KIF1A: variants seen among roughly 807,000 people sequenced by gnomAD.
The protein encoded by KIF1A is kinesin family member 1A.
In KIF1A, 46 loss-of-function variants were observed where a neutral mutation model predicts 227.3. That is an observed-to-expected ratio of 0.20 (90% CI 0.16 to 0.26). The LOEUF (loss-of-function observed/expected upper bound fraction) is 0.26. Ranked by LOEUF, KIF1A falls within the 10% of genes least tolerant of loss-of-function variation. The probability of loss-of-function intolerance (pLI) is 1.00; values close to 1 mark genes in which losing one functional copy is unlikely to be tolerated. For synonymous variants in KIF1A, 1,022 were observed against 1,012.8 expected, an observed-to-expected ratio of 1.01 and a Z score of -0.17; for missense variants, 1,683 against 2,485.9, an observed-to-expected ratio of 0.68 and a Z score of 6.87.
chr2:240,742,111 G>A (rs1275774968), intron 34 of KIF1A, among the ~76,000 whole-genome samples: 2 of 152,218 alleles, frequency 1.3e-5, no homozygotes, highest in African/African-American at 4.8e-5. Flanking sequence ...AGCAGCTGGA[G>A]GGTGTCCTCC....
intron 10 of KIF1A, among the ~76,000 whole-genome samples, chr2:240,777,336 G>A (rs748589041): frequency 8.5e-5 from 13 of 152,166 alleles, no homozygotes; most frequent in Non-Finnish European, 1.5e-4. Flanking sequence ...GAGCCACCGC[G>A]CCCGGCCTCT....
rs1332437686 is a variant in KIF1A at position 240,758,035 on chromosome 2, C to T, written c.2582+325G>A. ...GCCTCCATGTTCCCACCCTCAGGAC[C>T]AACAGGTGACCTGGAAAGTTTGCTT... On this transcript the variant is annotated intron_variant, in intron 26 of 48. Coordinates refer to ENST00000498729, the MANE Select transcript of KIF1A (RefSeq NM_001244008.2). The surrounding 1 kb of genome is among the most constrained non-coding windows in gnomAD (Gnocchi z 5.2). 6.6e-6 allele frequency among the ~76,000 whole-genome samples: 1 copy of T among 152,208 alleles called. No individual in the cohort carries two copies. Among genetic ancestry groups the T allele is most frequent in the African/African-American group, 2.4e-5 (1 of 41,452 alleles).
rs1348554368 is a variant in KIF1A at position 240,757,600 on chromosome 2, G to A, written c.2583-6C>T. On this transcript the variant is annotated splice_region_variant and splice_polypyrimidine_tract_variant and intron_variant, in intron 26 of 48. Coordinates refer to ENST00000498729, the MANE Select transcript of KIF1A (RefSeq NM_001244008.2). This position sits in a 1 kb window ranked among gnomAD's most constrained non-coding sequence, Gnocchi z 6.2. ...TGCAGCCAGAGATGGCTGAACTGAG[G>A]TTAGTGCGACAAGACAGAGAGAAGT... is the stretch of plus-strand genomic sequence containing the variant. The A allele has an allele frequency of 6.8e-7, 1 of 1,474,716 alleles. No homozygotes were observed. The highest frequency in any genetic ancestry group is 1.4e-5 in the African/African-American group (1 of 70,628). The allele number at this position is 1,474,716 out of a possible 1,614,324, so 91.4% of individuals were successfully genotyped here.
In KIF1A at chr2:240,758,504, G is replaced by T; in HGVS notation, c.2445-7C>A. ...CATCAGGTCCAGACGCTGCCTGCAGGGACGGCAGGGGTCAATGTGGACCCA... is the reference window on the plus strand; with the variant it reads ...CATCAGGTCCAGACGCTGCCTGCAGTGACGGCAGGGGTCAATGTGGACCCA... On this transcript the variant is annotated splice_region_variant and splice_polypyrimidine_tract_variant and intron_variant, in intron 25 of 48. Coordinates refer to ENST00000498729, the MANE Select transcript of KIF1A (RefSeq NM_001244008.2). This position sits in a 1 kb window ranked among gnomAD's most constrained non-coding sequence, Gnocchi z 5.2. 6.4e-7 allele frequency: 1 copy of T among 1,564,532 alleles called. No homozygotes were observed.
Position 240,757,673 on chromosome 2 carries a change from G to C in KIF1A, c.2583-79C>G. The C allele has an allele frequency of 1.4e-6, 2 of 1,442,154 alleles. No homozygotes were observed. Among genetic ancestry groups the C allele is most frequent in the South Asian group, 2.7e-5 (2 of 72,828 alleles). 89.3% of individuals were successfully genotyped at this position (1,442,154 alleles called of 1,614,324 possible). The stretch of plus-strand genomic sequence containing the variant: ...CGAACAGGGGCCGGGGCCGGGGCTG[G>C]GGGGCTTCTGTTTAAAACCAAAACC... On this transcript the variant is annotated intron_variant, in intron 26 of 48. Transcript: ENST00000498729. The surrounding 1 kb of genome is among the most constrained non-coding windows in gnomAD (Gnocchi z 6.2).
intron 27 of KIF1A, among the ~76,000 whole-genome samples, chr2:240,754,286 T>C (rs1306312206): frequency 6.6e-6 from 1 of 152,210 alleles, no homozygotes; most frequent in Admixed American, 6.5e-5. Context: ...AGCATCCTCA[T>C]GGCACTGACC....
intron 45 of KIF1A, 115 bp downstream of exon 45, chr2:240,720,799 A>C: frequency 7.8e-7 from 1 of 1,289,662 alleles, no homozygotes; most frequent in Non-Finnish European, 1.0e-6. Flanking sequence ...TGGCCACCCC[A>C]AGGCACTCGG....
intron 33 of KIF1A, among the ~76,000 whole-genome samples, chr2:240,743,308 G>C (rs1030721850): frequency 1.3e-5 from 2 of 152,182 alleles, no homozygotes; most frequent in East Asian, 1.9e-4. Flanking sequence ...GAGGGCCCCT[G>C]AGCTCCCAGT....
chr2:240,720,229 A>C, intron 45 of KIF1A: 1 of 285,172 alleles, frequency 3.5e-6, no homozygotes, highest in South Asian at 1.2e-4. Flanking sequence ...CCCCACCTCC[A>C]CCCTGTGAAA....
chr2:240,774,943 A>G (rs976721909), intron 11 of KIF1A, among the ~76,000 whole-genome samples: 8 of 152,178 alleles, frequency 5.3e-5, no homozygotes, highest in African/African-American at 1.9e-4. Context: ...GGGTCCCCAT[A>G]GGGACTGAAG....
intron 2 of KIF1A, 30 bp downstream of exon 2, chr2:240,797,617 G>T: frequency 6.6e-7 from 1 of 1,518,330 alleles, no homozygotes; most frequent in Non-Finnish European, 9.1e-7. Context: ...ACCCATGGCC[G>T]ACCCCGATGC....
At position 240,772,904 on chromosome 2, in the gene KIF1A, G is replaced by A. The variant is rs183810400; in HGVS notation, c.1180+210C>T. Reference sequence around the variant, plus strand: ...TTGCCCTTGTCCAGGGCCCCCGCCCGGCCTCCCACCCAGAGGCATTTCTGC... The same window carrying A: ...TTGCCCTTGTCCAGGGCCCCCGCCCAGCCTCCCACCCAGAGGCATTTCTGC... On this transcript the variant is annotated intron_variant, in intron 13 of 48. Transcript: ENST00000498729. Among the ~76,000 whole-genome samples, 551 of 152,280 alleles carry A rather than the reference G, an allele frequency of 3.6e-3. 19 individuals are homozygous for A. The highest frequency in any genetic ancestry group is 8.2e-4 in the Non-Finnish European group (56 of 68,026).
intron 32 of KIF1A, 21 bp downstream of exon 32, chr2:240,745,406 G>A: frequency 6.3e-7 from 1 of 1,581,652 alleles, no homozygotes; most frequent in Non-Finnish European, 8.7e-7. Context: ...CAGGGATGGG[G>A]AGAAGTGCCC....
Position 240,715,008 on chromosome 2 carries a change from G to A in KIF1A, c.*2356C>T, listed in dbSNP as rs577985841. On this transcript the variant is annotated 3_prime_UTR_variant, in exon 49 of 49. Coordinates refer to ENST00000498729, the MANE Select transcript of KIF1A (RefSeq NM_001244008.2). ...GGCTGGCCTCAGACACCTGCGACCT[G>A]GGGGGTGCGCCCAGACCCTTTGGAG... The A allele has an allele frequency of 1.3e-5, 2 of 152,406 alleles. No individual in the cohort carries two copies. The highest frequency in any genetic ancestry group is 4.8e-5 in the African/African-American group (2 of 41,572). The allele number at this position is 152,406 out of a possible 1,614,324, so 9.4% of individuals were successfully genotyped here. A position where few individuals can be genotyped will look rare whatever the true frequency, so the allele number is the denominator to read the frequency against.
chr2:240,773,047 G>A, intron 13 of KIF1A, 67 bp downstream of exon 13: 1 of 1,485,146 alleles, frequency 6.7e-7, no homozygotes, highest in Non-Finnish European at 9.1e-7. Context: ...AGGATGTGAT[G>A]ACCTGCGAGG....
In KIF1A at chr2:240,766,215, G is replaced by A. The variant is rs2051151341; in HGVS notation, c.1685-422C>T. The stretch of plus-strand genomic sequence containing the variant: ...ACACCACTTAGGGCCATCACCCTGA[G>A]GTGGCCAAGTTGGACAGTGGGTGTC... On this transcript the variant is annotated intron_variant, in intron 19 of 48. Transcript: ENST00000498729. This position sits in a 1 kb window ranked among gnomAD's most constrained non-coding sequence, Gnocchi z 5.0. 6.6e-6 allele frequency among the ~76,000 whole-genome samples: 1 copy of A among 152,250 alleles called. No homozygotes were observed. The highest frequency in any genetic ancestry group is 1.5e-5 in the Non-Finnish European group (1 of 68,044).
At chr2:240,720,101 A>G (rs2045123641) in intron 45 of KIF1A, 175 bp from the exon 46 acceptor site, 3 of 533,960 alleles carry the variant, frequency 5.6e-6, no homozygotes, top group Non-Finnish European at 9.0e-6. Context: ...AGGATAGCCA[A>G]GCTTGTGCCC....
Position 240,720,975 on chromosome 2 carries a change from G to A in KIF1A, c.4807C>T (p.Leu1603Phe). ...PSMSPLGVAT[L>F]TPSSTCPSLV... is the part of the protein sequence containing the mutation. ...GAGGGGCAAGTGGAGGAGGGGGTGAGAGTGGCCACCCCTAGAGGGGACATC... is the reference window on the plus strand; with the variant it reads ...GAGGGGCAAGTGGAGGAGGGGGTGAAAGTGGCCACCCCTAGAGGGGACATC... The change falls in exon 45 of 49, where the codon CTC becomes TTC. Residue 1603 changes from leucine (L) to phenylalanine (F), a missense_variant. This residue lies in a region of KIF1A where 384 missense variants were observed against 410.1 expected (regional missense o/e 0.94). Coordinates refer to ENST00000498729, the MANE Select transcript of KIF1A (RefSeq NM_001244008.2). The A allele has an allele frequency of 6.2e-7, 1 of 1,607,092 alleles. No homozygotes were observed. The highest frequency in any genetic ancestry group is 8.5e-7 in the Non-Finnish European group (1 of 1,177,298).
At chr2:240,741,039 G>T (rs1277591005) in intron 35 of KIF1A, among the ~76,000 whole-genome samples, 2 of 151,998 alleles carry the variant, frequency 1.3e-5, no homozygotes, top group African/African-American at 4.8e-5. Flanking sequence ...TAATTCAGGT[G>T]CTTATCTGTC....
Sources: gnomAD v4.1 joint callset for allele counts (sites outside exome capture counted in the v4.1 genomes callset) on GRCh38, gnomAD v4.1.1 for gene constraint, gnomAD v4.1.1 regional missense constraint, Gnocchi (gnomAD v3.1) non-coding constraint, MANE v1.5 for transcripts, NCBI Gene and HGNC (gene_info 2026-07-23, HGNC 2026-07-21) for gene names.